Variants in ENTPD1 observed in about 807,000 individuals in gnomAD.
The protein encoded by ENTPD1 is ATP diphosphohydrolase.
A neutral mutation model predicts 57.0 loss-of-function variants in ENTPD1; 33 were observed. That is an observed-to-expected ratio of 0.58 (90% CI 0.44 to 0.77). The LOEUF (loss-of-function observed/expected upper bound fraction) is 0.77. Among genes scored for constraint, ENTPD1 ranks in the 30% least tolerant of loss-of-function variants. ENTPD1 has a pLI of 0.00. For synonymous variants in ENTPD1, 202 were observed against 218.8 expected (o/e 0.92, Z 0.68); for missense variants, 501 against 603.4 (o/e 0.83, Z 1.78).
chr10:95,807,908 A>G (rs1419992678), intron 1 of ENTPD1, among the ~76,000 whole-genome samples: 1 of 152,140 alleles, frequency 6.6e-6, no homozygotes, highest in Non-Finnish European at 1.5e-5. Flanking sequence ...GATGCCCTTT[A>G]TTTCCTTCTC....
At chr10:95,779,090 C>T (rs1458801835) in intron 1 of ENTPD1, among the ~76,000 whole-genome samples, 1 of 152,180 alleles carries the variant, frequency 6.6e-6, no homozygotes, top group Non-Finnish European at 1.5e-5. Context: ...TCCCTAACCC[C>T]AACACTTGTC....
intron 1 of ENTPD1, among the ~76,000 whole-genome samples, chr10:95,714,989 G>A (rs1413606154): frequency 1.3e-5 from 2 of 152,178 alleles, no homozygotes; most frequent in African/African-American, 4.8e-5. Flanking sequence ...GAATCGTTAA[G>A]TTTTCACTGG....
chr10:95,834,215 G>C (rs1158054692), intron 2 of ENTPD1, among the ~76,000 whole-genome samples: 1 of 152,180 alleles, frequency 6.6e-6, no homozygotes, highest in African/African-American at 2.4e-5. Context: ...CTAATGTATA[G>C]TAGGATATAC....
At chr10:95,726,534 T>C (rs2097983831) in intron 1 of ENTPD1, among the ~76,000 whole-genome samples, 1 of 152,212 alleles carries the variant, frequency 6.6e-6, no homozygotes, top group African/African-American at 2.4e-5. Flanking sequence ...CAAGAATATT[T>C]GTGCTAGATA....
rs896910597 is a variant in ENTPD1 at position 95,712,659 on chromosome 10, T to C, written c.37+666T>C. On this transcript the variant is annotated intron_variant, in intron 1 of 9. Transcript: ENST00000453258. Reference sequence around the variant, plus strand: ...CCCAGGAGGGCCTACCTGGTGCCAGTGGATTAACGGGTCTGTGACTGGTGG... The same window carrying C: ...CCCAGGAGGGCCTACCTGGTGCCAGCGGATTAACGGGTCTGTGACTGGTGG... Among the ~76,000 whole-genome samples the C allele has an allele frequency of 2.6e-5, 4 of 152,138 alleles. No homozygotes were observed. The South Asian group carries it at 8.3e-4, about 32-fold the overall frequency.
the ENTPD1 span, among the ~76,000 whole-genome samples, chr10:95,700,115 T>C: frequency 6.6e-6 from 1 of 152,148 alleles, no homozygotes; most frequent in Admixed American, 6.5e-5. Flanking sequence ...CTAGTTAATA[T>C]AAGAGAGATT....
intron 1 of ENTPD1, among the ~76,000 whole-genome samples, chr10:95,808,822 A>C (rs2098283829): frequency 6.6e-6 from 1 of 152,036 alleles, no homozygotes; most frequent in South Asian, 2.1e-4. Flanking sequence ...GTCAGCAGAT[A>C]AACACGTGAA....
intron 1 of ENTPD1, among the ~76,000 whole-genome samples, chr10:95,726,294 T>G (rs2097983624): frequency 6.6e-6 from 1 of 152,220 alleles, no homozygotes; most frequent in Admixed American, 6.5e-5. Context: ...TTATAACTTT[T>G]GCTTCTTTCA....
rs564121123 is a variant in ENTPD1 at position 95,807,072 on chromosome 10, C to T, written c.17-16165C>T. Among the ~76,000 whole-genome samples, 43 of 152,310 alleles carry T rather than the reference C, an allele frequency of 2.8e-4. No individual in the cohort carries two copies. The South Asian group carries it at 8.1e-3, about 29-fold the overall frequency. On this transcript the variant is annotated intron_variant, in intron 1 of 9. Coordinates refer to ENST00000371205, the MANE Select transcript of ENTPD1 (RefSeq NM_001776.6). ...GTCAGACAGGGATGTTTAAGTCTGC[C>T]GAAGTTGTCTGCTGCCTTTTGTTCA...
At chr10:95,758,051 C>T (rs1266266172) in intron 1 of ENTPD1, among the ~76,000 whole-genome samples, 1 of 138,190 alleles carries the variant, frequency 7.2e-6, no homozygotes, top group Admixed American at 7.3e-5. Context: ...GGATCTGAAA[C>T]CCTCTGCTTC....
chr10:95,796,670 T>TTTTAGGA lies in ENTPD1; in HGVS notation c.17-26566_17-26565insTTAGGAT, dbSNP rs1242838189. On this transcript the variant is annotated intron_variant, in intron 1 of 9. Coordinates refer to ENST00000371205, the MANE Select transcript of ENTPD1 (RefSeq NM_001776.6). ...ACTAGTTAGGGCCACATACTGAGGT[T>TTTTAGGA]TGCATTTTTAGGATGACTATGTTAG... 4.6e-5 allele frequency among the ~76,000 whole-genome samples: 7 copies of TTTTAGGA among 152,256 alleles called. No individual in the cohort carries two copies. In the East Asian group the frequency reaches 1.3e-3, roughly 29 times the overall value.
At chr10:95,813,575 GA>G (rs2098317292) in intron 1 of ENTPD1, among the ~76,000 whole-genome samples, 1 of 152,152 alleles carries the variant, frequency 6.6e-6, no homozygotes, top group Admixed American at 6.5e-5. Context: ...CCTTGAGAAG[GA>G]AAGCCTACTC....
At chr10:95,822,478 G>A (rs577817763) in intron 1 of ENTPD1, among the ~76,000 whole-genome samples, 1 of 151,948 alleles carries the variant, frequency 6.6e-6, no homozygotes, top group South Asian at 2.1e-4. Context: ...TGTATTTTTA[G>A]TAGAGATGGG....
chr10:95,694,318 A>C, the ENTPD1 span, among the ~76,000 whole-genome samples: 1 of 152,104 alleles, frequency 6.6e-6, no homozygotes, highest in African/African-American at 2.4e-5. Context: ...CCGGATTCCA[A>C]CGGTGAGAAA....
rs2098424073 is a variant in ENTPD1 at position 95,842,228 on chromosome 10, A to G, written c.263-116A>G. 4.3e-6 allele frequency: 4 copies of G among 926,620 alleles called. No homozygotes were observed. In the Admixed American group the frequency reaches 6.6e-5, roughly 15 times the overall value. The allele number at this position is 926,620 out of a possible 1,614,324, so 57.4% of individuals were successfully genotyped here. A position where few individuals can be genotyped will look rare whatever the true frequency, so the allele number is the denominator to read the frequency against. ...AGTACAATAACCTAATGTATAGTAC[A>G]TCAGGAAATTGTTTTCTTGTATTTT... On this transcript the variant is annotated intron_variant, in intron 3 of 9. Coordinates refer to ENST00000371205, the MANE Select transcript of ENTPD1 (RefSeq NM_001776.6).
At chr10:95,755,505 G>A, upstream of ENTPD1, 1 of 599,350 alleles carries the variant, frequency 1.7e-6, no homozygotes. Context: ...GACTTCAAAG[G>A]TAGGAAGTCA....
intron 7 of ENTPD1, among the ~76,000 whole-genome samples, chr10:95,860,013 G>A (rs770051479): frequency 3.3e-5 from 5 of 152,196 alleles, no homozygotes; most frequent in East Asian, 1.9e-4. Context: ...TTAAAGGAAA[G>A]CAGTACATAT....
Position 95,845,443 on chromosome 10 carries a change from A to G in ENTPD1, c.660A>G (p.Gln220=), listed in dbSNP as rs1187684004. The G allele has an allele frequency of 6.2e-7, 1 of 1,614,190 alleles. No individual in the cohort carries two copies. Among genetic ancestry groups the G allele is most frequent in the Non-Finnish European group, 8.5e-7 (1 of 1,180,048 alleles). The stretch of plus-strand genomic sequence containing the variant: ...TGGACCTTGGGGGAGCCTCTACACA[A>G]GTCACTTTTGTACCCCAAAACCAGA... The part of the protein sequence containing the change: ...GALDLGGAST[Q]VTFVPQNQTI... The change falls in exon 6 of 10, where the codon CAA becomes CAG. Residue 220 remains glutamine, a synonymous_variant. Transcript: ENST00000371205.
intron 1 of ENTPD1, among the ~76,000 whole-genome samples, chr10:95,808,149 A>C (rs1237366571): frequency 6.6e-6 from 1 of 152,086 alleles, no homozygotes; most frequent in Admixed American, 6.5e-5. Flanking sequence ...TTTTATAGAA[A>C]TCCTTTTCTG....
Sources: allele counts gnomAD v4.1 joint callset (sites outside exome capture counted in the v4.1 genomes callset), GRCh38; gene constraint gnomAD v4.1.1; transcripts MANE v1.5; gene names NCBI Gene and HGNC (gene_info 2026-07-23, HGNC 2026-07-21).